Variants in SEMA3C observed in about 807,000 individuals in gnomAD.
The protein encoded by SEMA3C is semaphorin 3C.
SEMA3C carries 47 observed loss-of-function variants against 89.4 expected under a neutral mutation model. The observed-to-expected ratio is 0.53, with a 90% CI of 0.42 to 0.67. The LOEUF (loss-of-function observed/expected upper bound fraction) is 0.67, where lower values mean the gene tolerates loss of function less well. Ranked by LOEUF, SEMA3C falls within the 30% of genes least tolerant of loss-of-function variation. The pLI, the probability that SEMA3C is intolerant of heterozygous loss-of-function variation, is 0.00. For synonymous variants in SEMA3C, 310 were observed against 320.2 expected, an observed-to-expected ratio of 0.97 and a Z score of 0.34; for missense variants, 839 against 929.1, an observed-to-expected ratio of 0.90 and a Z score of 1.26.
chr7:80,781,867 A>C (rs1220181528), intron 12 of SEMA3C, among the ~76,000 whole-genome samples: 7 of 152,182 alleles, frequency 4.6e-5, no homozygotes, highest in Admixed American at 4.6e-4. Flanking sequence ...AACATCAGGG[A>C]TTCAGTAGTA....
At chr7:80,865,327 T>TA (rs1238415937) in intron 2 of SEMA3C, among the ~76,000 whole-genome samples, 1 of 152,176 alleles carries the variant, frequency 6.6e-6, no homozygotes, top group Non-Finnish European at 1.5e-5. Flanking sequence ...TAATAACACT[T>TA]AGCTAACATC....
chr7:80,782,651 G>A (rs1788716714), intron 12 of SEMA3C, among the ~76,000 whole-genome samples: 1 of 152,098 alleles, frequency 6.6e-6, no homozygotes, highest in Non-Finnish European at 1.5e-5. Context: ...ACTTATCTGT[G>A]ATTCTGCCCA....
At chr7:80,748,338 A>C (rs780408357) in intron 17 of SEMA3C, among the ~76,000 whole-genome samples, 1 of 152,156 alleles carries the variant, frequency 6.6e-6, no homozygotes, top group Non-Finnish European at 1.5e-5. Flanking sequence ...TTTATTTGAA[A>C]ATCTAAGGAC....
At chr7:80,894,199 A>G (rs1163566590) in intron 2 of SEMA3C, among the ~76,000 whole-genome samples, 1 of 152,210 alleles carries the variant, frequency 6.6e-6, no homozygotes, top group Non-Finnish European at 1.5e-5. Flanking sequence ...TAGCAGGTGC[A>G]TAAGAAAGTA....
intron 2 of SEMA3C, among the ~76,000 whole-genome samples, chr7:80,834,380 G>A (rs1408816506): frequency 6.6e-6 from 1 of 152,082 alleles, no homozygotes; most frequent in Admixed American, 6.5e-5. Context: ...CCACTGTGAA[G>A]CTTTGAGAAT....
At chr7:80,886,297 A>G (rs1479409521) in intron 2 of SEMA3C, among the ~76,000 whole-genome samples, 1 of 151,902 alleles carries the variant, frequency 6.6e-6, no homozygotes, top group Non-Finnish European at 1.5e-5. Flanking sequence ...GTATGTATTC[A>G]TATATCTGTG....
At chr7:80,886,592 TCTGC>T (rs1791485443) in intron 2 of SEMA3C, among the ~76,000 whole-genome samples, 1 of 152,120 alleles carries the variant, frequency 6.6e-6, no homozygotes, top group Non-Finnish European at 1.5e-5. Context: ...GACCTCATGA[TCTGC>T]CTGCCTCAGC....
At chr7:80,762,018 G>A (rs1788195550) in intron 13 of SEMA3C, among the ~76,000 whole-genome samples, 1 of 150,670 alleles carries the variant, frequency 6.6e-6, no homozygotes, top group Non-Finnish European at 1.5e-5. Context: ...GAACCTGGGA[G>A]GCGAAGGTTG....
At chr7:80,893,949 C>T (rs1008808462) in intron 2 of SEMA3C, among the ~76,000 whole-genome samples, 2 of 152,164 alleles carry the variant, frequency 1.3e-5, no homozygotes, top group Non-Finnish European at 2.9e-5. Flanking sequence ...TGAAAGGTAA[C>T]TGAAGACATT....
At chr7:80,878,785 G>A (rs1455516635) in intron 2 of SEMA3C, among the ~76,000 whole-genome samples, 1 of 152,094 alleles carries the variant, frequency 6.6e-6, no homozygotes, top group Non-Finnish European at 1.5e-5. Context: ...AGTGATGGAA[G>A]CCTTGGCAGT....
chr7:80,772,335 T>G (rs1788451536), intron 12 of SEMA3C, among the ~76,000 whole-genome samples: 1 of 152,228 alleles, frequency 6.6e-6, no homozygotes, highest in Admixed American at 6.5e-5. Flanking sequence ...TCTTTATTAG[T>G]TCACTGAATC....
chr7:80,919,316 A>C (rs549694946), upstream of SEMA3C: 1 of 985,266 alleles, frequency 1.0e-6, no homozygotes, highest in East Asian at 1.1e-4. Context: ...CGCAGGCTGG[A>C]GCCCTAGCTC....
chr7:80,843,609 A>G (rs1403257644), intron 2 of SEMA3C, among the ~76,000 whole-genome samples: 1 of 152,196 alleles, frequency 6.6e-6, no homozygotes, highest in Non-Finnish European at 1.5e-5. Context: ...CATAATAGCT[A>G]TCACTCACAA....
At chr7:80,882,167 C>T (rs183363285) in intron 2 of SEMA3C, among the ~76,000 whole-genome samples, 1 of 152,202 alleles carries the variant, frequency 6.6e-6, no homozygotes, top group Admixed American at 6.5e-5. Flanking sequence ...CAAATCACTA[C>T]ACCTCATTCT....
At chr7:80,746,244 T>C (rs897664177) in intron 17 of SEMA3C, among the ~76,000 whole-genome samples, 3 of 152,108 alleles carry the variant, frequency 2.0e-5, no homozygotes, top group African/African-American at 7.2e-5. Context: ...TAATAATATC[T>C]AAATCAAAGA....
chr7:80,855,892 C>T lies in SEMA3C; in HGVS notation c.104-27147G>A, dbSNP rs909138984. On this transcript the variant is annotated intron_variant, in intron 2 of 17. Transcript: ENST00000265361. The stretch of plus-strand genomic sequence containing the variant: ...AACATGCAGCTCTTTAAAAAAATAA[C>T]GTCCCTCAATCATTCATGTTACGTT... Among the ~76,000 whole-genome samples the T allele has an allele frequency of 9.2e-5, 14 of 152,154 alleles. No individual in the cohort carries two copies. The East Asian group carries it at 2.1e-3, about 23-fold the overall frequency.
intron 13 of SEMA3C, among the ~76,000 whole-genome samples, chr7:80,763,037 T>A (rs969437487): frequency 6.6e-6 from 1 of 152,002 alleles, no homozygotes; most frequent in East Asian, 1.9e-4. Context: ...TACACACACA[T>A]GCACACACAC....
chr7:80,797,737 C>T (rs1447226299), intron 11 of SEMA3C, among the ~76,000 whole-genome samples: 5 of 152,100 alleles, frequency 3.3e-5, no homozygotes, highest in African/African-American at 7.2e-5. Flanking sequence ...CGGTGGCTCA[C>T]GCCTGTAATC....
At chr7:80,902,642 C>G (rs1458334102) in intron 2 of SEMA3C, among the ~76,000 whole-genome samples, 1 of 152,202 alleles carries the variant, frequency 6.6e-6, no homozygotes, top group Middle Eastern at 3.4e-3. Context: ...CATTTAAAAC[C>G]AAAACACATG....
Sources: gnomAD v4.1 joint callset for allele counts (sites outside exome capture counted in the v4.1 genomes callset) on GRCh38, gnomAD v4.1.1 for gene constraint, MANE v1.5 for transcripts, NCBI Gene and HGNC (gene_info 2026-07-23, HGNC 2026-07-21) for gene names.